The following ENTHD1 variants were observed in gnomAD, a reference collection of about 807,000 sequenced individuals.
ENTHD1 encodes ENTH domain-containing protein 1.
A neutral mutation model predicts 39.1 loss-of-function variants in ENTHD1; 23 were observed. The observed-to-expected ratio is 0.59, with a 90% CI of 0.42 to 0.83. The LOEUF (loss-of-function observed/expected upper bound fraction) is 0.83. ENTHD1 is among the 40% of genes least tolerant of loss of function. ENTHD1 has a pLI of 0.00. For synonymous variants in ENTHD1, 230 were observed against 258.2 expected (o/e 0.89, Z 1.05); for missense variants, 624 against 705.4 (o/e 0.88, Z 1.31).
At chr22:39,786,532 CA>C (rs2065460436) in intron 5 of ENTHD1, among the ~76,000 whole-genome samples, 1 of 152,180 alleles carries the variant, frequency 6.6e-6, no homozygotes, top group Admixed American at 6.5e-5. Flanking sequence ...ACTCCATCAG[CA>C]TTTCTCTTAA....
chr22:39,812,015 C>CAA lies in ENTHD1; in HGVS notation c.832+8976_832+8977dup, dbSNP rs11388421. On this transcript the variant is annotated intron_variant, in intron 5 of 6. Transcript: ENST00000325157. ...AAACAAAAACAAACAAACAAACAAA[C>CAA]AAAAAAAAAACGACATAGATGAAAC... is the stretch of plus-strand genomic sequence containing the variant. 1.8e-3 allele frequency among the ~76,000 whole-genome samples: 225 copies of CAA among 123,378 alleles called. 4 individuals are homozygous for CAA. In the South Asian group the frequency reaches 0.025, roughly 14 times the overall value. The allele number at this position is 123,378 out of a possible 152,430, so 80.9% of individuals were successfully genotyped here. A position where few individuals can be genotyped will look rare whatever the true frequency, so the allele number is the denominator to read the frequency against.
rs191615096 is a variant in ENTHD1 at position 39,753,739 on chromosome 22, C to T, written c.1220-9456G>A. Among the ~76,000 whole-genome samples, 392 of 152,328 alleles carry T rather than the reference C, an allele frequency of 2.6e-3. 1 individual carries two copies. Among genetic ancestry groups the T allele is most frequent in the African/African-American group, 9.0e-3 (374 of 41,584 alleles). ...TGGCCTCACTGTTTCTTGAATTCCT[C>T]ACCGCAATGACCTTCAGCCATTCCT... On this transcript the variant is annotated intron_variant, in intron 6 of 6. Transcript: ENST00000325157.
chr22:39,858,683 C>T (rs552018107), intron 3 of ENTHD1, among the ~76,000 whole-genome samples: 86 of 152,252 alleles, frequency 5.6e-4, no homozygotes, highest in Admixed American at 1.0e-3. Flanking sequence ...TTAGCAGGCA[C>T]GAAAACAATA....
At chr22:39,784,620 C>A (rs1174069225) in intron 5 of ENTHD1, among the ~76,000 whole-genome samples, 3 of 151,140 alleles carry the variant, frequency 2.0e-5, no homozygotes, top group Admixed American at 1.3e-4. Flanking sequence ...GAAATCTTGT[C>A]ATTTGCAGCA....
chr22:39,813,990 A>C (rs2065713301), intron 5 of ENTHD1, among the ~76,000 whole-genome samples: 1 of 152,202 alleles, frequency 6.6e-6, no homozygotes, highest in Admixed American at 6.5e-5. Context: ...ACTAAACCTA[A>C]CGAAAGATAT....
intron 6 of ENTHD1, among the ~76,000 whole-genome samples, chr22:39,749,901 G>T (rs2065135737): frequency 6.6e-6 from 1 of 152,176 alleles, no homozygotes; most frequent in Non-Finnish European, 1.5e-5. Flanking sequence ...TACTGCCTGT[G>T]GCCTGCAAGC....
At chr22:39,878,489 T>TG (rs939011974) in intron 2 of ENTHD1, among the ~76,000 whole-genome samples, 1 of 150,726 alleles carries the variant, frequency 6.6e-6, no homozygotes, top group Non-Finnish European at 1.5e-5. Context: ...ATGGAAATTT[T>TG]TTTTTCAAAA....
At chr22:39,762,173 A>G (rs1361791898) in intron 6 of ENTHD1, among the ~76,000 whole-genome samples, 2 of 152,160 alleles carry the variant, frequency 1.3e-5, no homozygotes, top group Admixed American at 1.3e-4. Context: ...TTTTCTGGTC[A>G]GACTCGCTGG....
At chr22:39,841,020 G>A (rs2065940580) in intron 3 of ENTHD1, among the ~76,000 whole-genome samples, 1 of 152,132 alleles carries the variant, frequency 6.6e-6, no homozygotes, top group African/African-American at 2.4e-5. Context: ...GATTACAGGT[G>A]TGAGCCACCG....
At chr22:39,818,261 C>T (rs117470728) in intron 5 of ENTHD1, among the ~76,000 whole-genome samples, 2,373 of 152,294 alleles carry the variant, frequency 0.016, 82 homozygotes, top group Admixed American at 0.084. Context: ...CTGCTAGACA[C>T]GTGAGTCAGC....
intron 3 of ENTHD1, among the ~76,000 whole-genome samples, chr22:39,859,788 C>T (rs955814868): frequency 2.0e-5 from 3 of 152,184 alleles, no homozygotes; most frequent in African/African-American, 7.2e-5. Context: ...GTGACACAGA[C>T]ACAAAGTATG....
intron 6 of ENTHD1, among the ~76,000 whole-genome samples, chr22:39,759,890 T>C (rs2065217244): frequency 2.0e-5 from 3 of 152,068 alleles, no homozygotes; most frequent in Non-Finnish European, 2.9e-5. Context: ...ATGTATTTCA[T>C]TGTTACCAAT....
chr22:39,833,941 C>A (rs1265007690), intron 4 of ENTHD1, among the ~76,000 whole-genome samples: 150 of 117,848 alleles, frequency 1.3e-3, no homozygotes, highest in African/African-American at 2.5e-3. Flanking sequence ...TATACTTGGG[C>A]AAAAAAAAAA....
At position 39,887,667 on chromosome 22, in the gene ENTHD1, C is replaced by T. The variant is rs371281900; in HGVS notation, c.82G>A (p.Asp28Asn). The T allele has an allele frequency of 5.1e-5, 82 of 1,602,602 alleles. No homozygotes were observed. The highest frequency in any genetic ancestry group is 4.8e-5 in the Non-Finnish European group (56 of 1,176,522). ...AGAGAACTAGAGGGACCCCAAGGGT[C>T]GTTAGAAGTTGCTTCCCTGACTTTT... ...EIKVREATSN[D>N]PWGPSSSLML... Residue 28 changes from aspartate to asparagine, a missense_variant, in exon 2 of 7, where the codon GAC becomes AAC. Coordinates refer to ENST00000325157, the MANE Select transcript of ENTHD1 (RefSeq NM_152512.4).
At chr22:39,801,879 A>G (rs1424192558) in intron 5 of ENTHD1, among the ~76,000 whole-genome samples, 1 of 152,192 alleles carries the variant, frequency 6.6e-6, no homozygotes, top group Non-Finnish European at 1.5e-5. Flanking sequence ...TCATCCAGAA[A>G]GCACAGTTAA....
intron 5 of ENTHD1, among the ~76,000 whole-genome samples, chr22:39,772,835 A>G (rs2065337789): frequency 6.6e-6 from 1 of 152,214 alleles, no homozygotes; most frequent in Non-Finnish European, 1.5e-5. Context: ...GGCTATAATA[A>G]TATCAGATAA....
At chr22:39,774,991 A>G (rs2065355629) in intron 5 of ENTHD1, among the ~76,000 whole-genome samples, 1 of 152,162 alleles carries the variant, frequency 6.6e-6, no homozygotes, top group African/African-American at 2.4e-5. Flanking sequence ...AAATGGTTTC[A>G]TTCTTCAAGG....
At chr22:39,780,998 C>CAAAAAAAA (rs370342913) in intron 5 of ENTHD1, among the ~76,000 whole-genome samples, 1 of 124,896 alleles carries the variant, frequency 8.0e-6, no homozygotes, top group African/African-American at 3.0e-5. Flanking sequence ...GACTCCATCT[C>CAAAAAAAA]AAAAAAAAAA....
chr22:39,833,602 G>A (rs148311400), intron 4 of ENTHD1, among the ~76,000 whole-genome samples: 27 of 152,010 alleles, frequency 1.8e-4, no homozygotes, highest in African/African-American at 6.5e-4. Flanking sequence ...GGATATAGCT[G>A]AGAATAAATT....
Sources: allele counts gnomAD v4.1 joint callset (sites outside exome capture counted in the v4.1 genomes callset), GRCh38; gene constraint gnomAD v4.1.1; transcripts MANE v1.5; gene names NCBI Gene and HGNC (gene_info 2026-07-23, HGNC 2026-07-21).